The following RAPGEF4 variants were observed in gnomAD, a reference collection of about 807,000 sequenced individuals.
RAPGEF4 encodes Rap guanine nucleotide exchange factor 4, also known as RAP guanine-nucleotide-exchange factor (GEF) 4.
In RAPGEF4, 66 loss-of-function variants were observed where a neutral mutation model predicts 147.9. The ratio of observed to expected loss-of-function variants is 0.45; its 90% CI spans 0.37 to 0.55. The LOEUF is 0.55. RAPGEF4 is among the 20% of genes least tolerant of loss of function. The probability of loss-of-function intolerance (pLI) is 0.00; values close to 1 mark genes in which losing one functional copy is unlikely to be tolerated. For missense variants in RAPGEF4, 1,071 were observed against 1,257.3 expected, an observed-to-expected ratio of 0.85 and a Z score of 2.24; for synonymous variants, 419 against 442.7, an observed-to-expected ratio of 0.95 and a Z score of 0.67.
chr2:172,954,845 A>C (rs1688570213), intron 6 of RAPGEF4, among the ~76,000 whole-genome samples: 1 of 152,234 alleles, frequency 6.6e-6, no homozygotes, highest in Non-Finnish European at 1.5e-5. Flanking sequence ...AAAATGTTGC[A>C]GCATTTATTA....
At chr2:172,794,347 C>CAAAAAAAAAA (rs59850502) in intron 1 of RAPGEF4, among the ~76,000 whole-genome samples, 1 of 101,936 alleles carries the variant, frequency 9.8e-6, no homozygotes, top group Non-Finnish European at 2.0e-5. Flanking sequence ...AACTCCATCT[C>CAAAAAAAAAA]AAAAAAAAAA....
At chr2:172,818,213 A>C (rs966536370) in intron 4 of RAPGEF4, among the ~76,000 whole-genome samples, 1 of 151,958 alleles carries the variant, frequency 6.6e-6, no homozygotes, top group Non-Finnish European at 1.5e-5. Flanking sequence ...GAAGGATAAA[A>C]GACTACCATT....
intron 21 of RAPGEF4, 35 bp from the exon 22 acceptor site, chr2:173,018,621 G>A (rs760685442): frequency 6.3e-7 from 1 of 1,584,958 alleles, no homozygotes; most frequent in Non-Finnish European, 8.6e-7. Flanking sequence ...AAACTCTTAA[G>A]AGTGATTTAC....
chr2:172,865,387 G>T (rs1173871776), intron 4 of RAPGEF4, among the ~76,000 whole-genome samples: 1 of 152,154 alleles, frequency 6.6e-6, no homozygotes, highest in Non-Finnish European at 1.5e-5. Context: ...CTGCCTTGTG[G>T]ACAGTTCAAC....
intron 6 of RAPGEF4, among the ~76,000 whole-genome samples, chr2:172,938,673 C>T (rs562125941): frequency 6.6e-6 from 1 of 152,300 alleles, no homozygotes; most frequent in East Asian, 1.9e-4. Flanking sequence ...ATACCCTAAC[C>T]TTCTAAATGA....
chr2:172,980,311 A>C (rs10497390), intron 10 of RAPGEF4, among the ~76,000 whole-genome samples: 11,085 of 152,166 alleles, frequency 0.073, 593 homozygotes, highest in South Asian at 0.16. Context: ...TTATCTAGGA[A>C]GAGATGGCCA....
intron 25 of RAPGEF4, among the ~76,000 whole-genome samples, chr2:173,029,449 A>G (rs1262499802): frequency 6.6e-6 from 1 of 152,242 alleles, no homozygotes; most frequent in African/African-American, 2.4e-5. Context: ...TGTGTTAAAC[A>G]TCACCATTCT....
At position 172,839,631 on chromosome 2, in the gene RAPGEF4, T is replaced by C. The variant is rs549442937; in HGVS notation, c.444+25206T>C. Among the ~76,000 whole-genome samples the C allele has an allele frequency of 4.6e-5, 7 of 151,550 alleles. No homozygotes were observed. The South Asian group carries it at 1.2e-3, about 27-fold the overall frequency. On this transcript the variant is annotated intron_variant, in intron 4 of 30. Coordinates refer to ENST00000397081, the MANE Select transcript of RAPGEF4 (RefSeq NM_007023.4). ...TATTCTGTGCTGACCTCCTATCTCA[T>C]CCTATGAGTTAGAATGCCTTAAGCA...
Position 173,001,364 on chromosome 2 carries a change from G to T in RAPGEF4, c.1658+20G>T. 6.2e-7 allele frequency: 1 copy of T among 1,613,400 alleles called. No individual in the cohort carries two copies. The highest frequency in any genetic ancestry group is 8.5e-7 in the Non-Finnish European group (1 of 1,179,836). ...GGCCCAATATCCTTTTATTGTGATT[G>T]TAAGTCCCTATTCCCTCGAAGACAA... is the stretch of plus-strand genomic sequence containing the variant. On this transcript the variant is annotated intron_variant, in intron 17 of 30. Coordinates refer to ENST00000397081, the MANE Select transcript of RAPGEF4 (RefSeq NM_007023.4).
rs3820849 is a variant in RAPGEF4 at position 172,905,304 on chromosome 2, G to T, written c.445-12498G>T. On this transcript the variant is annotated intron_variant, in intron 4 of 30. Coordinates refer to ENST00000397081, the MANE Select transcript of RAPGEF4 (RefSeq NM_007023.4). ...GTAGCTGTCCTCACTAGCCTGCAAG[G>T]CCTGGGAGGGGTCCACCATAACTCC... Among the ~76,000 whole-genome samples the T allele has an allele frequency of 8.2e-3, 1,249 of 152,260 alleles. 55 individuals are homozygous for T. The East Asian group carries it at 0.13, about 15-fold the overall frequency.
chr2:172,937,037 CAAAAAA>C lies in RAPGEF4; in HGVS notation c.537+14755_537+14760del, dbSNP rs34104170. Among the ~76,000 whole-genome samples, 27 of 52,598 alleles carry C rather than the reference CAAAAAA, an allele frequency of 5.1e-4. 1 individual carries two copies. The highest frequency in any genetic ancestry group is 3.2e-3 in the South Asian group (4 of 1,254). The allele number at this position is 52,598 out of a possible 152,430, so 34.5% of individuals were successfully genotyped here. On this transcript the variant is annotated intron_variant, in intron 6 of 30. Transcript: ENST00000397081. ...CAACACAGTGAGACTCCTCTCTCTG[CAAAAAA>C]AAAAAAAAAAAAAAAAAGTCTTTTT...
In RAPGEF4 at chr2:172,911,330, C is replaced by T. The variant is rs141130518; in HGVS notation, c.445-6472C>T. On this transcript the variant is annotated intron_variant, in intron 4 of 30. Transcript: ENST00000397081. ...CTGCAGCAGACATTCTCACTTAACA[C>T]GGGGGAAAGGTTGGAATATGTGGCA... 3.2e-3 allele frequency among the ~76,000 whole-genome samples: 494 copies of T among 152,240 alleles called. 9 individuals are homozygous for T. Among genetic ancestry groups the T allele is most frequent in the Admixed American group, 0.026 (394 of 15,302 alleles).
intron 4 of RAPGEF4, among the ~76,000 whole-genome samples, chr2:172,847,026 T>G (rs1383423201): frequency 6.6e-6 from 1 of 152,106 alleles, no homozygotes; most frequent in Non-Finnish European, 1.5e-5. Context: ...CCAGTGGTTG[T>G]TTGATGAATT....
At chr2:172,837,279 A>G (rs899560217) in intron 4 of RAPGEF4, among the ~76,000 whole-genome samples, 1 of 152,148 alleles carries the variant, frequency 6.6e-6, no homozygotes, top group Non-Finnish European at 1.5e-5. Context: ...AATCCTCCTA[A>G]CAACATTGGC....
chr2:172,761,053 C>G (rs1696269876), intron 1 of RAPGEF4, among the ~76,000 whole-genome samples: 1 of 149,768 alleles, frequency 6.7e-6, no homozygotes, highest in African/African-American at 2.4e-5. Context: ...GACAGGGGCT[C>G]TTCTCATCAG....
At chr2:172,809,116 A>G in intron 3 of RAPGEF4, among the ~76,000 whole-genome samples, 1 of 152,162 alleles carries the variant, frequency 6.6e-6, no homozygotes, top group East Asian at 1.9e-4. Flanking sequence ...GGAGGTGGGA[A>G]ATATCTCGAG....
chr2:172,848,059 G>A (rs1186784632), intron 4 of RAPGEF4, among the ~76,000 whole-genome samples: 1 of 152,122 alleles, frequency 6.6e-6, no homozygotes, highest in Non-Finnish European at 1.5e-5. Context: ...TTTTCATAAT[G>A]GAAGACAAAG....
intron 1 of RAPGEF4, among the ~76,000 whole-genome samples, chr2:172,739,071 C>T (rs1316251140): frequency 1.3e-5 from 2 of 152,182 alleles, no homozygotes; most frequent in African/African-American, 4.8e-5. Flanking sequence ...ATGTATCAAT[C>T]ATCCACCATC....
intron 1 of RAPGEF4, among the ~76,000 whole-genome samples, chr2:172,739,169 A>G (rs1009734800): frequency 6.6e-6 from 1 of 152,224 alleles, no homozygotes; most frequent in Non-Finnish European, 1.5e-5. Context: ...TTGGATGGAT[A>G]AACCAACATT....
Sources: gnomAD v4.1 joint callset for allele counts (sites outside exome capture counted in the v4.1 genomes callset) on GRCh38, gnomAD v4.1.1 for gene constraint, MANE v1.5 for transcripts, NCBI Gene and HGNC (gene_info 2026-07-23, HGNC 2026-07-21) for gene names.